NUP98: variants seen among roughly 807,000 people sequenced by gnomAD.
NUP98 encodes the protein nucleoporin 98 and 96 precursor, also known as nuclear pore complex protein Nup98-Nup96.
In NUP98, 26 loss-of-function variants were observed where a neutral mutation model predicts 191.9. The ratio of observed to expected loss-of-function variants is 0.14; its 90% CI spans 0.10 to 0.19. NUP98 has a LOEUF of 0.19. Among genes scored for constraint, NUP98 ranks in the 10% least tolerant of loss-of-function variants. The pLI is 1.00. For synonymous variants in NUP98, 808 were observed against 778.4 expected (o/e 1.04, Z -0.63); for missense variants, 1,941 against 2,178.8 (o/e 0.89, Z 2.17).
chr11:3,754,884 G>A (rs1288200764), intron 10 of NUP98, among the ~76,000 whole-genome samples: 1 of 139,444 alleles, frequency 7.2e-6, no homozygotes, highest in Non-Finnish European at 1.5e-5. Context: ...AGAGGCTGCA[G>A]TAAGTCGAGA....
chr11:3,723,261 C>A lies in NUP98; in HGVS notation c.2042G>T (p.Arg681Leu). 9.9e-6 allele frequency: 16 copies of A among 1,614,082 alleles called. No individual in the cohort carries two copies. The highest frequency in any genetic ancestry group is 1.4e-5 in the Non-Finnish European group (16 of 1,180,008). The part of the protein sequence containing the change: ...IVALNMRAAL[R>L]NGLEGSSEET... ...TTCACTGCTTCCTTCCAGCCCATTT[C>A]GCAAAGCAGCACGCATGTTTAATGC... Residue 681 changes from arginine to leucine, a missense_variant, in exon 16 of 33, where the codon CGA (arginine) becomes CTA (leucine). By Grantham distance (102) the Arg-to-Leu change is moderately radical (BLOSUM62 -2). This residue lies in a region of NUP98 where 453 missense variants were observed against 438.2 expected (regional missense o/e 1.03). Coordinates refer to ENST00000324932, the MANE Select transcript of NUP98 (RefSeq NM_016320.5).
In NUP98 at chr11:3,779,019, T is replaced by C; in HGVS notation, c.209A>G (p.Gln70Arg). ...GCCAGTGCTTGTGGAGGTAGCTGGC[T>C]GGCTAAATGAACTGGTTCCAAACAA... ...GGLFGTSSFS[Q>R]PATSTSTGFG... Residue 70 changes from glutamine to arginine, a missense_variant, in exon 4 of 33, where the codon CAG becomes CGG. Around this residue, in one of 6 missense-constraint regions of NUP98, gnomAD observed 154 missense variants for 182.9 expected, o/e 0.84. Coordinates refer to ENST00000324932, the MANE Select transcript of NUP98 (RefSeq NM_016320.5). 6.2e-7 allele frequency: 1 copy of C among 1,614,206 alleles called. No individual in the cohort carries two copies. The highest frequency in any genetic ancestry group is 8.5e-7 in the Non-Finnish European group (1 of 1,180,042).
intron 1 of NUP98, among the ~76,000 whole-genome samples, chr11:3,796,616 C>T (rs931378482): frequency 5.3e-5 from 8 of 152,160 alleles, no homozygotes; most frequent in African/African-American, 1.9e-4. Context: ...GTCCATGCCG[C>T]ACCGACCTCC....
At chr11:3,724,995 T>C (rs761244435) in intron 15 of NUP98, 108 bp downstream of exon 15, 16 of 578,684 alleles carry the variant, frequency 2.8e-5, no homozygotes, top group Non-Finnish European at 4.3e-5. Context: ...GTAATACTTC[T>C]ATGTAATATT....
chr11:3,747,074 A>C (rs2080532821), intron 11 of NUP98, among the ~76,000 whole-genome samples: 1 of 152,176 alleles, frequency 6.6e-6, no homozygotes, highest in African/African-American at 2.4e-5. Context: ...GAAAGAAGTA[A>C]TGGTCCACAA....
Position 3,705,734 on chromosome 11 carries a change from A to C in NUP98, c.2926-378T>G, listed in dbSNP as rs78177607. 4.3e-3 allele frequency among the ~76,000 whole-genome samples: 651 copies of C among 152,336 alleles called. 3 individuals are homozygous for C. Among genetic ancestry groups the C allele is most frequent in the African/African-American group, 0.015 (610 of 41,574 alleles). ...GTGCTACTAGGTACTAAAATTTTTAAATTTTGTGGAGCACATACAGAGTCT... is the reference window on the plus strand; with the variant it reads ...GTGCTACTAGGTACTAAAATTTTTACATTTTGTGGAGCACATACAGAGTCT... On this transcript the variant is annotated intron_variant, in intron 21 of 32. Coordinates refer to ENST00000324932, the MANE Select transcript of NUP98 (RefSeq NM_016320.5).
intron 10 of NUP98, among the ~76,000 whole-genome samples, chr11:3,755,150 T>C (rs745945430): frequency 5.3e-5 from 8 of 151,976 alleles, no homozygotes; most frequent in Non-Finnish European, 8.8e-5. Context: ...GCAGAACATA[T>C]GAAGTCATTT....
chr11:3,744,578 C>T lies in NUP98; in HGVS notation c.1339G>A (p.Ala447Thr), dbSNP rs371012107. Residue 447 changes from alanine to threonine, a missense_variant, in exon 12 of 33, where the codon GCC (alanine) becomes ACC (threonine). Ala to Thr is a moderately conservative substitution (Grantham distance 58, BLOSUM62 0). Coordinates refer to ENST00000324932, the MANE Select transcript of NUP98 (RefSeq NM_016320.5). The part of the protein sequence containing the change: ...PKIGGPLGTG[A>T]FGAPGFNTTT... Reference sequence around the variant, plus strand: ...GTATTAAATCCAGGGGCCCCAAAGGCTCCTGTACCAAGAGGCCCTCCAATC... The same window carrying T: ...GTATTAAATCCAGGGGCCCCAAAGGTTCCTGTACCAAGAGGCCCTCCAATC... 13 of 1,613,726 alleles carry T rather than the reference C, an allele frequency of 8.1e-6. No individual in the cohort carries two copies. Among genetic ancestry groups the T allele is most frequent in the African/African-American group, 4.0e-5 (3 of 74,922 alleles).
At chr11:3,739,600 C>T (rs1263297718) in intron 12 of NUP98, among the ~76,000 whole-genome samples, 1 of 152,036 alleles carries the variant, frequency 6.6e-6, no homozygotes, top group Non-Finnish European at 1.5e-5. Context: ...AATGAAAACT[C>T]GAATTCACCT....
At chr11:3,686,620 G>T (rs1236250473) in intron 28 of NUP98, among the ~76,000 whole-genome samples, 1 of 152,004 alleles carries the variant, frequency 6.6e-6, no homozygotes, top group Non-Finnish European at 1.5e-5. Context: ...AAAACTGCAC[G>T]TATCTAGAGT....
intron 4 of NUP98, among the ~76,000 whole-genome samples, chr11:3,776,700 G>C (rs2081744274): frequency 6.6e-6 from 1 of 151,196 alleles, no homozygotes; most frequent in Admixed American, 6.6e-5. Flanking sequence ...CACTGTGTTA[G>C]CCAGGATGGT....
intron 26 of NUP98, 114 bp from the exon 27 acceptor site, chr11:3,693,489 T>C: frequency 9.5e-7 from 1 of 1,051,074 alleles, no homozygotes. Context: ...ATGATTCAGA[T>C]ATAAAATATA....
intron 23 of NUP98, among the ~76,000 whole-genome samples, chr11:3,701,933 C>T (rs900336870): frequency 1.3e-5 from 2 of 151,990 alleles, no homozygotes; most frequent in African/African-American, 4.8e-5. Flanking sequence ...GTGATCCGCC[C>T]ATCTTGGCCT....
chr11:3,796,184 C>T (rs1564947242), intron 1 of NUP98, among the ~76,000 whole-genome samples: 1 of 152,166 alleles, frequency 6.6e-6, no homozygotes, highest in Non-Finnish European at 1.5e-5. Context: ...TCCTCCAAAA[C>T]GGAGTTTTAT....
Position 3,747,604 on chromosome 11 carries a change from G to C in NUP98, c.1268-2955C>G, listed in dbSNP as rs558718272. On this transcript the variant is annotated intron_variant, in intron 11 of 32. Transcript: ENST00000324932. ...GTATAAAACCTTTTATACTAAGATT[G>C]GTTTCTTACATCGAAGCATACAAAA... Among the ~76,000 whole-genome samples the C allele has an allele frequency of 3.9e-5, 6 of 152,210 alleles. No individual in the cohort carries two copies. In the East Asian group the frequency reaches 9.7e-4, roughly 24 times the overall value.
At position 3,705,256 on chromosome 11, in the gene NUP98, A is replaced by G. The variant is rs1364132665; in HGVS notation, c.3026T>C (p.Ile1009Thr). Residue 1009 changes from isoleucine to threonine, a missense_variant, in exon 22 of 33, where the codon ATC becomes ACC. This residue lies in a region of NUP98 where 1,030 missense variants were observed against 1,115.8 expected (regional missense o/e 0.92). Coordinates refer to ENST00000324932, the MANE Select transcript of NUP98 (RefSeq NM_016320.5). ...LPSKADTSQE[I>T]CSPRLPISAS... ...TGAAATGGGGAGTCTGGGAGAACAG[A>G]TTTCTTGAGAAGTATCTGCTTTGGA... 6.2e-7 allele frequency: 1 copy of G among 1,614,214 alleles called. No individual in the cohort carries two copies. Among genetic ancestry groups the G allele is most frequent in the South Asian group, 1.1e-5 (1 of 91,090 alleles).
At chr11:3,688,126 C>T (rs931065096) in intron 28 of NUP98, among the ~76,000 whole-genome samples, 2 of 151,836 alleles carry the variant, frequency 1.3e-5, no homozygotes, top group South Asian at 2.1e-4. Flanking sequence ...TAAATTTGGC[C>T]GGGCACGGTG....
chr11:3,749,180 C>A (rs1041305105), intron 11 of NUP98, among the ~76,000 whole-genome samples: 4 of 151,390 alleles, frequency 2.6e-5, no homozygotes, highest in Admixed American at 6.6e-5. Flanking sequence ...CGGTGGCGGG[C>A]GCCTATAGTC....
intron 14 of NUP98, among the ~76,000 whole-genome samples, chr11:3,727,384 A>G (rs1251882515): frequency 6.6e-6 from 1 of 152,190 alleles, no homozygotes; most frequent in Non-Finnish European, 1.5e-5. Flanking sequence ...GAACTCCTGA[A>G]CAAAATTTTA....
Sources: gnomAD v4.1 joint callset for allele counts (sites outside exome capture counted in the v4.1 genomes callset) on GRCh38, gnomAD v4.1.1 for gene constraint, gnomAD v4.1.1 regional missense constraint, MANE v1.5 for transcripts, NCBI Gene and HGNC (gene_info 2026-07-23, HGNC 2026-07-21) for gene names.